Variants in HIVEP3 observed in about 807,000 individuals in gnomAD.
HIVEP3 encodes HIVEP zinc finger 3.
In HIVEP3, 49 loss-of-function variants were observed where a neutral mutation model predicts 152.8. The ratio of observed to expected loss-of-function variants is 0.32; its 90% CI spans 0.26 to 0.41. HIVEP3 has a LOEUF of 0.41. Ranked by LOEUF, HIVEP3 falls within the 10% of genes least tolerant of loss-of-function variation. HIVEP3 has a pLI of 1.00. For missense variants in HIVEP3, 2,790 were observed against 3,103.3 expected, an observed-to-expected ratio of 0.90 and a Z score of 2.40; for synonymous variants, 1,269 against 1,289.0, an observed-to-expected ratio of 0.98 and a Z score of 0.33.
At chr1:41,959,740 T>C (rs557361089) in intron 1 of HIVEP3, among the ~76,000 whole-genome samples, 1 of 152,306 alleles carries the variant, frequency 6.6e-6, no homozygotes, top group South Asian at 2.1e-4. Context: ...ACTCCCAGTG[T>C]CCCTTGTGGA....
At chr1:41,831,684 G>A (rs1288172434) in intron 1 of HIVEP3, among the ~76,000 whole-genome samples, 1 of 152,186 alleles carries the variant, frequency 6.6e-6, no homozygotes, top group South Asian at 2.1e-4. Context: ...TGAGAACTAA[G>A]TCTCTTTCTC....
chr1:41,944,177 T>C (rs947061779), intron 1 of HIVEP3, among the ~76,000 whole-genome samples: 2 of 152,210 alleles, frequency 1.3e-5, no homozygotes, highest in Non-Finnish European at 2.9e-5. Flanking sequence ...TTGTAAGATA[T>C]AAAATGTTCT....
chr1:41,740,747 G>A (rs1365112896), intron 1 of HIVEP3, among the ~76,000 whole-genome samples: 1 of 152,240 alleles, frequency 6.6e-6, no homozygotes, highest in African/African-American at 2.4e-5. Context: ...AAGCAAAATG[G>A]GAACAGGAGC....
chr1:41,885,446 A>G (rs1376954281), intron 1 of HIVEP3, among the ~76,000 whole-genome samples: 1 of 152,142 alleles, frequency 6.6e-6, no homozygotes, highest in East Asian at 1.9e-4. Context: ...CAGGCAGATC[A>G]CTTGAGGTCA....
At chr1:41,840,877 C>T (rs989314598) in intron 1 of HIVEP3, among the ~76,000 whole-genome samples, 1 of 152,206 alleles carries the variant, frequency 6.6e-6, no homozygotes, top group Non-Finnish European at 1.5e-5. Context: ...AACTTTCTCT[C>T]CTTTTAATTT....
chr1:42,004,599 GA>G (rs1345850593), intron 1 of HIVEP3, among the ~76,000 whole-genome samples: 2 of 152,110 alleles, frequency 1.3e-5, no homozygotes, highest in African/African-American at 2.4e-5. Flanking sequence ...AACTCTTCAG[GA>G]ATGTAAGTTA....
chr1:41,588,623 C>A (rs1161076094), intron 3 of HIVEP3, among the ~76,000 whole-genome samples: 1 of 152,102 alleles, frequency 6.6e-6, no homozygotes, highest in Admixed American at 6.5e-5. Flanking sequence ...GTCCAGCCTG[C>A]ACCTGTGGGC....
intron 2 of HIVEP3, among the ~76,000 whole-genome samples, chr1:41,668,282 T>C (rs973655013): frequency 2.0e-5 from 3 of 152,068 alleles, no homozygotes; most frequent in Non-Finnish European, 2.9e-5. Flanking sequence ...ATGACAACAG[T>C]GGATGAAAGC....
At chr1:41,593,057 C>T (rs1644611269) in intron 3 of HIVEP3, among the ~76,000 whole-genome samples, 1 of 152,226 alleles carries the variant, frequency 6.6e-6, no homozygotes, top group Non-Finnish European at 1.5e-5. Flanking sequence ...TGGGTTCCTA[C>T]CCCTAGTTTT....
intron 1 of HIVEP3, among the ~76,000 whole-genome samples, chr1:41,703,876 C>T (rs779030281): frequency 1.8e-4 from 27 of 152,156 alleles, no homozygotes; most frequent in East Asian, 3.8e-4. Flanking sequence ...CAGATCTAGG[C>T]GGGAGGAGAT....
At chr1:41,696,819 C>T (rs141365397) in intron 2 of HIVEP3, among the ~76,000 whole-genome samples, 3 of 152,248 alleles carry the variant, frequency 2.0e-5, no homozygotes, top group African/African-American at 2.4e-5. Context: ...AGCCCAGTCA[C>T]GGATGTGGAA....
rs1477797573 is a variant in HIVEP3 at position 41,524,889 on chromosome 1, A to G, written c.5229T>C (p.Tyr1743=). Residue 1743 remains tyrosine, a synonymous_variant, in exon 6 of 9, where the codon TAT becomes TAC. Transcript: ENST00000372583. ...FEGGYKSNEE[Y]VYVRGRGRGK... ...CTCGGCCGCGGCCTCGCACATATAC[A>G]TACTCTTCGTTTGATTTGTACCTAT... is the stretch of plus-strand genomic sequence containing the variant. The G allele has an allele frequency of 4.3e-6, 7 of 1,613,792 alleles. No individual in the cohort carries two copies. In the South Asian group the frequency reaches 5.5e-5, roughly 13 times the overall value.
At chr1:41,526,587 ACT>A (rs1491462558) in intron 5 of HIVEP3, among the ~76,000 whole-genome samples, 984 of 23,922 alleles carry the variant, frequency 0.041, no homozygotes, top group Non-Finnish European at 0.05. Flanking sequence ...ACACCCCCAC[ACT>A]CACACCCTTA....
chr1:41,954,102 C>A (rs1239839155), intron 1 of HIVEP3, among the ~76,000 whole-genome samples: 2 of 152,188 alleles, frequency 1.3e-5, no homozygotes, highest in Admixed American at 6.5e-5. Context: ...CGCAAGGTTC[C>A]AGGACATGGA....
intron 5 of HIVEP3, among the ~76,000 whole-genome samples, chr1:41,528,035 T>G (rs1318371341): frequency 4.1e-5 from 1 of 24,598 alleles, no homozygotes; most frequent in Admixed American, 5.2e-4. Flanking sequence ...CACCTTCACA[T>G]TCACACTCCA....
chr1:41,584,543 G>A lies in HIVEP3; in HGVS notation c.255C>T (p.Pro85=). The change falls in exon 4 of 9, where the codon CCC becomes CCT. Residue 85 remains proline (P), a synonymous_variant. Transcript: ENST00000372583. This position sits in a 1 kb window ranked among gnomAD's most constrained non-coding sequence, Gnocchi z 5.2. ...GTGAGATGTGGACGGATGCTTCGAT[G>A]GGGGGCCTTTTGGGGGGCTTCTGCT... ...GQQQKPPKRP[P]IEASVHISQL... is the part of the protein sequence containing the mutation. The A allele has an allele frequency of 1.9e-6, 3 of 1,614,130 alleles. No homozygotes were observed. The highest frequency in any genetic ancestry group is 2.5e-6 in the Non-Finnish European group (3 of 1,180,018).
At chr1:41,912,907 C>T (rs937228757) in intron 1 of HIVEP3, among the ~76,000 whole-genome samples, 4 of 152,220 alleles carry the variant, frequency 2.6e-5, no homozygotes, top group Non-Finnish European at 4.4e-5. Context: ...CCAGCAGATG[C>T]TTGTAGATTC....
At chr1:41,589,469 C>T (rs1644554858) in intron 3 of HIVEP3, among the ~76,000 whole-genome samples, 2 of 152,168 alleles carry the variant, frequency 1.3e-5, no homozygotes, top group Admixed American at 6.5e-5. Flanking sequence ...TGGAGGAGCC[C>T]GGGGCCAAGG....
intron 1 of HIVEP3, among the ~76,000 whole-genome samples, chr1:41,849,839 C>T (rs1643546833): frequency 6.6e-6 from 1 of 152,084 alleles, no homozygotes; most frequent in African/African-American, 2.4e-5. Flanking sequence ...TACAGGCATG[C>T]ACCACCATGC....
Sources: gnomAD v4.1 joint callset for allele counts (sites outside exome capture counted in the v4.1 genomes callset) on GRCh38, gnomAD v4.1.1 for gene constraint, Gnocchi (gnomAD v3.1) non-coding constraint, MANE v1.5 for transcripts, NCBI Gene and HGNC (gene_info 2026-07-23, HGNC 2026-07-21) for gene names.